CD99: variants seen among roughly 807,000 people sequenced by gnomAD.
The protein encoded by CD99 is CD99 antigen.
A neutral mutation model predicts 28.4 loss-of-function variants in CD99; 19 were observed. That is an observed-to-expected ratio of 0.67 (90% CI 0.47 to 0.98). The LOEUF (loss-of-function observed/expected upper bound fraction) is 0.98. CD99 is among the 50% of genes least tolerant of loss of function. CD99 has a pLI of 0.00. For synonymous variants in CD99, 103 were observed against 92.1 expected, an observed-to-expected ratio of 1.12 and a Z score of -0.67; for missense variants, 283 against 248.8, an observed-to-expected ratio of 1.14 and a Z score of -0.92.
Position 2,710,497 on chromosome X carries a change from TTA to T in CD99, c.68-3924_68-3923del, listed in dbSNP as rs1158343849. On this transcript the variant is annotated intron_variant, in intron 1 of 9. Transcript: ENST00000381192. ...TTACACTTAAAATAATATCTGTACT[TTA>T]CTTTCACGTGTGGGGTTTTTTTTTG... Among the ~76,000 whole-genome samples, 101 of 121,746 alleles carry T rather than the reference TTA, an allele frequency of 8.3e-4. 1 individual carries two copies. The highest frequency in any genetic ancestry group is 4.3e-3 in the African/African-American group (100 of 23,458). 79.9% of individuals were successfully genotyped at this position (121,746 alleles called of 152,430 possible).
chrX:2,725,462 C>T (rs1341345299), intron 7 of CD99, among the ~76,000 whole-genome samples: 1 of 152,028 alleles, frequency 6.6e-6, no homozygotes, highest in Non-Finnish European at 1.5e-5. Flanking sequence ...GCATTGAAAC[C>T]CAAAGCTATC....
chrX:2,726,187 C>T (rs2049270595), intron 7 of CD99, 73 bp from the exon 8 acceptor site: 1 of 878,968 alleles, frequency 1.1e-6, no homozygotes, highest in Non-Finnish European at 1.9e-6. Context: ...CTGTCTCTGC[C>T]AGCCACTGCC....
chrX:2,717,846 C>T, intron 3 of CD99, 194 bp downstream of exon 3: 1 of 600,022 alleles, frequency 1.7e-6, no homozygotes, highest in Non-Finnish European at 3.0e-6. Flanking sequence ...AGAATGGTTG[C>T]TGATGTGAAA....
At chrX:2,700,093 A>C (rs185834049) in intron 1 of CD99, among the ~76,000 whole-genome samples, 1 of 152,264 alleles carries the variant, frequency 6.6e-6, no homozygotes, top group Non-Finnish European at 1.5e-5. Flanking sequence ...ACGTGGGCAC[A>C]GGGGTTGCTG....
chrX:2,704,623 C>T (rs1055662207), intron 1 of CD99, among the ~76,000 whole-genome samples: 4 of 151,820 alleles, frequency 2.6e-5, no homozygotes, highest in African/African-American at 7.3e-5. Flanking sequence ...GGGGTTTTGC[C>T]TTGTTGGCCA....
chrX:2,701,311 G>A (rs2047852288), intron 1 of CD99, among the ~76,000 whole-genome samples: 1 of 151,864 alleles, frequency 6.6e-6, no homozygotes, highest in Non-Finnish European at 1.5e-5. Context: ...GCTCTTTCAT[G>A]TATTCCTTCA....
At position 2,722,657 on chromosome X, in the gene CD99, G is replaced by A. The variant is rs1336264587; in HGVS notation, c.293G>A (p.Gly98Asp). 2 of 1,613,830 alleles carry A rather than the reference G, an allele frequency of 1.2e-6. No homozygotes were observed. ...GSFSDADLAD[G>D]VSGGEGKGGS... is the part of the protein sequence containing the mutation. The stretch of plus-strand genomic sequence containing the variant: ...TTTTCAGATGCTGACCTTGCGGATG[G>A]CGTTTCAGGTGGAGAAGGTACAGTT... The change falls in exon 6 of 10, where the codon GGC (glycine) becomes GAC (aspartate). Residue 98 changes from glycine (G) to aspartate (D), a missense_variant. Transcript: ENST00000381192.
intron 7 of CD99, among the ~76,000 whole-genome samples, chrX:2,724,918 C>A (rs763276261): frequency 1.3e-5 from 2 of 148,984 alleles, no homozygotes; most frequent in South Asian, 4.2e-4. Flanking sequence ...AAAAACTAGC[C>A]AGGGGTGGTG....
rs150875839 is a variant in CD99 at position 2,699,761 on chromosome X, G to A, written c.67+8334G>A. Among the ~76,000 whole-genome samples the A allele has an allele frequency of 9.8e-3, 1,496 of 152,244 alleles. 24 individuals carry two copies. The highest frequency in any genetic ancestry group is 0.033 in the African/African-American group (1,352 of 41,542). ...CGGGAGCCACTGCATCCCGCTATTA[G>A]GAATTTTTAAAAAGCCCCTCGGAGG... On this transcript the variant is annotated intron_variant, in intron 1 of 9. Transcript: ENST00000381192.
chrX:2,727,696 C>G (rs1232897882), intron 8 of CD99, among the ~76,000 whole-genome samples: 1 of 152,112 alleles, frequency 6.6e-6, no homozygotes, highest in Non-Finnish European at 1.5e-5. Flanking sequence ...AGGCTGGTCT[C>G]CAACTCCTCA....
At chrX:2,732,664 A>C (rs182885191) in intron 8 of CD99, among the ~76,000 whole-genome samples, 13 of 100,892 alleles carry the variant, frequency 1.3e-4, no homozygotes, top group African/African-American at 3.6e-4. Context: ...CCTTTTCTCT[A>C]TCTCTTCCTT....
In CD99 at chrX:2,740,846, T is replaced by G; in HGVS notation, c.*42T>G. On this transcript the variant is annotated 3_prime_UTR_variant, in exon 10 of 10. Transcript: ENST00000381192. ...ACAGCCCAGGCGTTGGCAGCAGGGTTAGAACAGCTGCCTGAGGCTCCTCCC... is the reference window on the plus strand; with the variant it reads ...ACAGCCCAGGCGTTGGCAGCAGGGTGAGAACAGCTGCCTGAGGCTCCTCCC... 1 of 1,611,858 alleles carries G rather than the reference T, an allele frequency of 6.2e-7. No individual in the cohort carries two copies. The highest frequency in any genetic ancestry group is 8.5e-7 in the Non-Finnish European group (1 of 1,177,970).
intron 2 of CD99, 129 bp from the exon 3 acceptor site, chrX:2,717,476 T>C: frequency 1.3e-6 from 1 of 749,398 alleles, no homozygotes; most frequent in South Asian, 1.6e-5. Context: ...TGTGGGCAGG[T>C]GAGAAAAAAC....
intron 8 of CD99, among the ~76,000 whole-genome samples, chrX:2,729,019 TG>T (rs909723041): frequency 6.6e-6 from 1 of 152,088 alleles, no homozygotes; most frequent in Non-Finnish European, 1.5e-5. Context: ...TTAGTAGAGA[TG>T]GGGGTTCACC....
chrX:2,727,131 C>T lies in CD99; in HGVS notation c.475+758C>T, dbSNP rs147379091. Among the ~76,000 whole-genome samples, 741 of 152,158 alleles carry T rather than the reference C, an allele frequency of 4.9e-3. 8 individuals carry two copies. The highest frequency in any genetic ancestry group is 0.017 in the African/African-American group (690 of 41,514). ...CAGCCTGGGCGACAGAGTGAGACTCCGTCTCAAAAAACAAAACAAAACAAA... is the reference window on the plus strand; with the variant it reads ...CAGCCTGGGCGACAGAGTGAGACTCTGTCTCAAAAAACAAAACAAAACAAA... On this transcript the variant is annotated intron_variant, in intron 8 of 9. Transcript: ENST00000381192.
chrX:2,701,602 T>C (rs2047867241), intron 1 of CD99, among the ~76,000 whole-genome samples: 1 of 151,896 alleles, frequency 6.6e-6, no homozygotes, highest in Non-Finnish European at 1.5e-5. Context: ...CTCAGCCTGG[T>C]AGACAAGCAG....
At chrX:2,717,809 T>C in intron 3 of CD99, 157 bp downstream of exon 3, 1 of 665,212 alleles carries the variant, frequency 1.5e-6, no homozygotes, top group African/African-American at 1.8e-5. Context: ...GTTATGATGT[T>C]ACATTTCATG....
intron 7 of CD99, among the ~76,000 whole-genome samples, chrX:2,725,186 G>T (rs2049209763): frequency 6.6e-6 from 1 of 151,624 alleles, no homozygotes; most frequent in African/African-American, 2.4e-5. Flanking sequence ...GTTGCTTTAG[G>T]CTGGGAGTTC....
intron 1 of CD99, among the ~76,000 whole-genome samples, chrX:2,695,996 A>G (rs2047557970): frequency 1.3e-5 from 2 of 152,230 alleles, no homozygotes; most frequent in Admixed American, 1.3e-4. Context: ...AAGACAGGGA[A>G]AAACAAACCA....
Sources: gnomAD v4.1 joint callset for allele counts (sites outside exome capture counted in the v4.1 genomes callset) on GRCh38, gnomAD v4.1.1 for gene constraint, MANE v1.5 for transcripts, NCBI Gene and HGNC (gene_info 2026-07-23, HGNC 2026-07-21) for gene names.